The following DLG2 variants were observed in gnomAD, a reference collection of about 807,000 sequenced individuals.
DLG2 encodes the protein discs large MAGUK scaffold protein 2, also known as disks large homolog 2.
In DLG2, 45 loss-of-function variants were observed where a neutral mutation model predicts 132.5. The ratio of observed to expected loss-of-function variants is 0.34; its 90% CI spans 0.27 to 0.44. The LOEUF is 0.44. Ranked by LOEUF, DLG2 falls within the 20% of genes least tolerant of loss-of-function variation. DLG2 has a pLI of 1.00. For missense variants in DLG2, 1,045 were observed against 1,196.9 expected, an observed-to-expected ratio of 0.87 and a Z score of 1.87; for synonymous variants, 424 against 419.6, an observed-to-expected ratio of 1.01 and a Z score of -0.13.
chr11:83,696,611 T>C (rs1174092228), intron 18 of DLG2, among the ~76,000 whole-genome samples: 1 of 152,140 alleles, frequency 6.6e-6, no homozygotes, highest in African/African-American at 2.4e-5. Context: ...AAGTACAAAA[T>C]GTACATCATA....
intron 4 of DLG2, among the ~76,000 whole-genome samples, chr11:85,191,113 C>G (rs911985230): frequency 2.6e-5 from 4 of 151,784 alleles, no homozygotes; most frequent in African/African-American, 9.7e-5. Context: ...TGGAATCAAT[C>G]TGGGTGATGA....
At chr11:84,041,324 G>A (rs1006006568) in intron 11 of DLG2, among the ~76,000 whole-genome samples, 7 of 151,918 alleles carry the variant, frequency 4.6e-5, no homozygotes, top group Non-Finnish European at 8.8e-5. Flanking sequence ...GAATCACTAT[G>A]CCAAAGGGTT....
intron 3 of DLG2, among the ~76,000 whole-genome samples, chr11:85,364,976 G>A (rs535592956): frequency 1.1e-4 from 17 of 151,636 alleles, no homozygotes; most frequent in African/African-American, 2.2e-4. Flanking sequence ...AATTATAGAC[G>A]GGGGCAAGAA....
chr11:83,868,953 A>T (rs988612022), intron 16 of DLG2, among the ~76,000 whole-genome samples: 1 of 152,196 alleles, frequency 6.6e-6, no homozygotes, highest in Middle Eastern at 3.2e-3. Context: ...CCAGCTACCT[A>T]AAGTCCAACG....
chr11:84,604,773 T>C (rs550157266), intron 6 of DLG2, among the ~76,000 whole-genome samples: 3 of 152,074 alleles, frequency 2.0e-5, no homozygotes, highest in African/African-American at 7.2e-5. Context: ...TCATGATGGT[T>C]TACACTCAAA....
intron 15 of DLG2, among the ~76,000 whole-genome samples, chr11:83,893,163 C>T (rs547716531): frequency 2.0e-5 from 3 of 152,334 alleles, no homozygotes; most frequent in South Asian, 4.1e-4. Context: ...AAACAATACG[C>T]TCTCTTAGTA....
At chr11:83,657,716 AT>A (rs1435831410) in intron 18 of DLG2, among the ~76,000 whole-genome samples, 2 of 151,028 alleles carry the variant, frequency 1.3e-5, no homozygotes, top group African/African-American at 4.9e-5. Flanking sequence ...TTTTTTTTGT[AT>A]TTTTAGTAGA....
At chr11:85,401,864 T>A (rs1177612455) in intron 3 of DLG2, among the ~76,000 whole-genome samples, 2 of 152,084 alleles carry the variant, frequency 1.3e-5, no homozygotes, top group Non-Finnish European at 2.9e-5. Context: ...TGGAAGAACA[T>A]TCCATGCTCA....
At chr11:84,207,364 A>G (rs554979752) in intron 8 of DLG2, among the ~76,000 whole-genome samples, 1 of 152,204 alleles carries the variant, frequency 6.6e-6, no homozygotes, top group South Asian at 2.1e-4. Context: ...AAAAAATCAG[A>G]TAATTTGCAC....
intron 11 of DLG2, among the ~76,000 whole-genome samples, chr11:84,039,404 A>T: frequency 8.4e-6 from 1 of 119,358 alleles, no homozygotes; most frequent in Admixed American, 1.0e-4. Flanking sequence ...AGAGTGTGAT[A>T]TTCCCCTTCC....
intron 6 of DLG2, among the ~76,000 whole-genome samples, chr11:84,772,834 T>TCAAATATTATA (rs1382303360): frequency 6.6e-6 from 1 of 151,842 alleles, no homozygotes; most frequent in Non-Finnish European, 1.5e-5. Flanking sequence ...AAGTCCTACA[T>TCAAATATTATA]CAAATATTAT....
At chr11:84,776,813 T>G (rs1014991672) in intron 6 of DLG2, among the ~76,000 whole-genome samples, 1 of 152,162 alleles carries the variant, frequency 6.6e-6, no homozygotes, top group Admixed American at 6.5e-5. Context: ...CTGATGGACA[T>G]TTGGTATCTT....
intron 8 of DLG2, among the ~76,000 whole-genome samples, chr11:84,247,599 A>G (rs1170937169): frequency 6.6e-6 from 1 of 152,174 alleles, no homozygotes; most frequent in Non-Finnish European, 1.5e-5. Flanking sequence ...GACCTCATAT[A>G]AGACAGAGCT....
At position 84,823,581 on chromosome 11, in the gene DLG2, CCACACACACACA is replaced by C. The variant is rs60714512; in HGVS notation, c.357+288068_357+288079del. 2.1e-3 allele frequency among the ~76,000 whole-genome samples: 286 copies of C among 134,484 alleles called. 3 individuals are homozygous for C. The highest frequency in any genetic ancestry group is 0.017 in the East Asian group (73 of 4,172). The allele number at this position is 134,484 out of a possible 152,430, so 88.2% of individuals were successfully genotyped here. A position where few individuals can be genotyped will look rare whatever the true frequency, so the allele number is the denominator to read the frequency against. ...CTGTTAGAATGGGATGGTTGTATAT[CCACACACACACA>C]CACACACACACACACACACACACAC... On this transcript the variant is annotated intron_variant, in intron 6 of 27. Transcript: ENST00000376104.
chr11:84,965,737 C>T (rs1591947523), intron 6 of DLG2, among the ~76,000 whole-genome samples: 2 of 151,948 alleles, frequency 1.3e-5, no homozygotes, highest in East Asian at 3.9e-4. Flanking sequence ...TCTCCAGCTA[C>T]TAAAGGTAAG....
At chr11:84,828,981 G>C (rs2078680141) in intron 6 of DLG2, among the ~76,000 whole-genome samples, 1 of 151,638 alleles carries the variant, frequency 6.6e-6, no homozygotes, top group African/African-American at 2.4e-5. Flanking sequence ...AATCAATGGT[G>C]AGTCTCTGGC....
rs2049734485 is a variant in DLG2, at chr11:84,943,292, A to AATTTGTT, written c.357+168362_357+168368dup. Among the ~76,000 whole-genome samples, 5 of 150,920 alleles carry AATTTGTT rather than the reference A, an allele frequency of 3.3e-5. No individual in the cohort carries two copies. In the Admixed American group the frequency reaches 3.3e-4, roughly 10 times the overall value. On this transcript the variant is annotated intron_variant, in intron 6 of 27. Coordinates refer to ENST00000376104, the MANE Select transcript of DLG2 (RefSeq NM_001142699.3). ...TGATAAGTGAAGGCTTATTCCTGTC[A>AATTTGTT]ATTTGTTATTTGTTTTTTGGTTGTT...
intron 3 of DLG2, among the ~76,000 whole-genome samples, chr11:85,288,829 G>A (rs1162857796): frequency 6.6e-6 from 1 of 152,044 alleles, no homozygotes; most frequent in African/African-American, 2.4e-5. Flanking sequence ...GATATAAACA[G>A]TTTCATGAGC....
At chr11:84,510,676 G>A (rs2099254706) in intron 7 of DLG2, among the ~76,000 whole-genome samples, 1 of 152,036 alleles carries the variant, frequency 6.6e-6, no homozygotes, top group South Asian at 2.1e-4. Context: ...AATTGGTTGT[G>A]TTATTTACAA....
Sources: gnomAD v4.1 joint callset for allele counts (sites outside exome capture counted in the v4.1 genomes callset) on GRCh38, gnomAD v4.1.1 for gene constraint, MANE v1.5 for transcripts, NCBI Gene and HGNC (gene_info 2026-07-23, HGNC 2026-07-21) for gene names.